MGAM2: variants seen among roughly 807,000 people sequenced by gnomAD.
The protein encoded by MGAM2 is maltase-glucoamylase 2 (putative).
MGAM2 carries 98 observed loss-of-function variants against 96.1 expected under a neutral mutation model. That is an observed-to-expected ratio of 1.02 (90% CI 0.87 to 1.21). The LOEUF (loss-of-function observed/expected upper bound fraction) is 1.21. Among genes scored for constraint, MGAM2 ranks in the 50% most tolerant of loss-of-function variants. The pLI, the probability that MGAM2 is intolerant of heterozygous loss-of-function variation, is 0.00. For missense variants in MGAM2, 2,055 were observed against 1,182.4 expected (o/e 1.74, Z -10.82); for synonymous variants, 749 against 414.8 (o/e 1.81, Z -9.79).
intron 24 of MGAM2, 73 bp from the exon 25 acceptor site, chr7:142,166,025 A>T: frequency 1.7e-6 from 1 of 594,366 alleles, no homozygotes; most frequent in Non-Finnish European, 3.0e-6. Flanking sequence ...TGACTTCCAG[A>T]CTTCCAGCCA....
intron 12 of MGAM2, among the ~76,000 whole-genome samples, chr7:142,142,739 G>A (rs769407680): frequency 5.9e-5 from 9 of 151,880 alleles, no homozygotes; most frequent in Non-Finnish European, 1.3e-4. Context: ...TAGTAGAGAC[G>A]GAATTTCACT....
At chr7:142,188,312 C>T (rs944198479) in intron 36 of MGAM2, among the ~76,000 whole-genome samples, 11 of 152,156 alleles carry the variant, frequency 7.2e-5, no homozygotes, top group African/African-American at 2.2e-4. Context: ...TGAATCTTCT[C>T]GTGTTGCAGA....
intron 7 of MGAM2, among the ~76,000 whole-genome samples, chr7:142,136,061 T>C (rs1477102801): frequency 6.6e-6 from 1 of 152,194 alleles, no homozygotes; most frequent in African/African-American, 2.4e-5. Context: ...GCACATATAC[T>C]GAGTTAGACA....
At chr7:142,180,592 A>T (rs55930545) in intron 32 of MGAM2, among the ~76,000 whole-genome samples, 28,726 of 152,106 alleles carry the variant, frequency 0.19, 2,995 homozygotes, top group East Asian at 0.34. Context: ...TCTAGCAAGA[A>T]TGGGGAAATT....
At chr7:142,169,019 T>C (rs1796112845) in intron 26 of MGAM2, among the ~76,000 whole-genome samples, 1 of 152,052 alleles carries the variant, frequency 6.6e-6, no homozygotes, top group Non-Finnish European at 1.5e-5. Flanking sequence ...CTTGTGAAAA[T>C]ATAAGTTCTA....
intron 15 of MGAM2, among the ~76,000 whole-genome samples, chr7:142,150,361 G>T (rs1795537245): frequency 6.6e-6 from 1 of 152,112 alleles, no homozygotes; most frequent in African/African-American, 2.4e-5. Flanking sequence ...ATCAGTCCTT[G>T]ATCCTTTTGA....
rs142503405 is a variant in MGAM2 at position 142,145,080 on chromosome 7, C to T, written c.1516+135C>T. ...CTAAACATCCTGAGCACTCCTCTGC[C>T]GAAGTCTCTGCAGCAGTGTTGGGTC... On this transcript the variant is annotated intron_variant, in intron 14 of 47. Transcript: ENST00000477922. 1.1e-3 allele frequency: 645 copies of T among 590,312 alleles called. 9 individuals carry two copies. Among genetic ancestry groups the T allele is most frequent in the African/African-American group, 9.1e-3 (482 of 53,068 alleles). 36.6% of individuals were successfully genotyped at this position (590,312 alleles called of 1,614,324 possible). A position where few individuals can be genotyped will look rare whatever the true frequency, so the allele number is the denominator to read the frequency against.
intron 32 of MGAM2, among the ~76,000 whole-genome samples, chr7:142,181,172 C>T (rs1425936696): frequency 6.6e-6 from 1 of 152,086 alleles, no homozygotes; most frequent in Non-Finnish European, 1.5e-5. Context: ...GGCAGATGTT[C>T]CTTTATCTTT....
In MGAM2 at chr7:142,204,963, T is replaced by C. The variant is rs74525387; in HGVS notation, c.5138-3610T>C. 4.7e-3 allele frequency among the ~76,000 whole-genome samples: 722 copies of C among 152,274 alleles called. 18 individuals carry two copies. The highest frequency in any genetic ancestry group is 0.032 in the Admixed American group (491 of 15,306). Reference sequence around the variant, plus strand: ...TTTTTAAATTTAAGAACTGTATTTATTAAATGCATTTTAATATTCCTGTCT... The same window carrying C: ...TTTTTAAATTTAAGAACTGTATTTACTAAATGCATTTTAATATTCCTGTCT... On this transcript the variant is annotated intron_variant, in intron 45 of 47. Coordinates refer to ENST00000477922, the MANE Select transcript of MGAM2 (RefSeq NM_001293626.2).
At position 142,130,948 on chromosome 7, in the gene MGAM2, G is replaced by A. The variant is rs1487463015; in HGVS notation, c.187G>A (p.Asp63Asn). The change falls in exon 4 of 48, where the codon GAT (aspartate) becomes AAT (asparagine). Residue 63 changes from aspartate (D) to asparagine (N), a missense_variant and splice_region_variant. By Grantham distance (23) the Asp-to-Asn change is conservative. Coordinates refer to ENST00000477922, the MANE Select transcript of MGAM2 (RefSeq NM_001293626.2). ...TGCTAACTCTGTGTCATTGTTACAG[G>A]ATATCTGCAGATGGCAATATAAGTG... is the stretch of plus-strand genomic sequence containing the variant. ...DCTPDQEVTE[D>N]ICRWQYKCCW... The A allele has an allele frequency of 7.1e-6, 5 of 702,472 alleles. No individual in the cohort carries two copies. Among genetic ancestry groups the A allele is most frequent in the Non-Finnish European group, 5.2e-6 (2 of 384,960 alleles). The allele number at this position is 702,472 out of a possible 1,614,324, so 43.5% of individuals were successfully genotyped here.
chr7:142,138,661 A>G lies in MGAM2; in HGVS notation c.1080A>G (p.Ile360Met). 4 of 701,542 alleles carry G rather than the reference A, an allele frequency of 5.7e-6. No homozygotes were observed. In the South Asian group the frequency reaches 6.0e-5, roughly 10 times the overall value. The allele number at this position is 701,542 out of a possible 1,614,324, so 43.5% of individuals were successfully genotyped here. A position where few individuals can be genotyped will look rare whatever the true frequency, so the allele number is the denominator to read the frequency against. The stretch of plus-strand genomic sequence containing the variant: ...TAAGCCGAAATCGTTTAGCTGAGAT[A>G]CCATATGTAAGTCGAAACTTCTTTT... ...EVVSRNRLAE[I>M]PYDVQYSDID... The change falls in exon 10 of 48, where the codon ATA (isoleucine) becomes ATG (methionine). Residue 360 changes from isoleucine to methionine, a missense_variant. Transcript: ENST00000477922.
At position 142,220,274 on chromosome 7, in the gene MGAM2, T is replaced by G. The variant is rs1797882016; in HGVS notation, c.5763T>G (p.Thr1921=). The change falls in exon 48 of 48, where the codon ACT becomes ACG. Residue 1921 remains threonine, a synonymous_variant. Transcript: ENST00000477922. The part of the protein sequence containing the change: ...VTTNATVPNT[T]APFPTNASTA... ...CTAATGCTACTGTTCCCAATACAAC[T>G]GCCCCTTTCCCAACAAATGCTAGTA... 1.4e-6 allele frequency: 1 copy of G among 702,528 alleles called. No homozygotes were observed. 43.5% of individuals were successfully genotyped at this position (702,528 alleles called of 1,614,324 possible). A position where few individuals can be genotyped will look rare whatever the true frequency, so the allele number is the denominator to read the frequency against.
At position 142,221,404 on chromosome 7, in the gene MGAM2, C is replaced by T. The variant is rs917326746; in HGVS notation, c.6893C>T (p.Thr2298Ile). Reference sequence around the variant, plus strand: ...ACTACTTATTACCAGACTTCTCCTACCATTCCTACCCATACTCTTACTTCT... The same window carrying T: ...ACTACTTATTACCAGACTTCTCCTATCATTCCTACCCATACTCTTACTTCT... ...GMTTYYQTSPTIPTHTLTSIP... is the reference protein window; with the variant it reads ...GMTTYYQTSPIIPTHTLTSIP... Residue 2298 changes from threonine to isoleucine, a missense_variant, in exon 48 of 48, where the codon ACC becomes ATC. Thr to Ile is a moderately conservative substitution (Grantham distance 89). Transcript: ENST00000477922. 1.7e-6 allele frequency: 1 copy of T among 602,456 alleles called. No homozygotes were observed. Among genetic ancestry groups the T allele is most frequent in the African/African-American group, 1.9e-5 (1 of 54,006 alleles). The allele number at this position is 602,456 out of a possible 1,614,324, so 37.3% of individuals were successfully genotyped here.
Position 142,161,149 on chromosome 7 carries a change from C to A in MGAM2, c.2370C>A (p.Ile790=), listed in dbSNP as rs1795876787. 1 of 702,718 alleles carries A rather than the reference C, an allele frequency of 1.4e-6. No homozygotes were observed. The highest frequency in any genetic ancestry group is 2.6e-6 in the Non-Finnish European group (1 of 384,798). 43.5% of individuals were successfully genotyped at this position (702,718 alleles called of 1,614,324 possible). Residue 790 remains isoleucine, a synonymous_variant, in exon 22 of 48, where the codon ATC becomes ATA. Coordinates refer to ENST00000477922, the MANE Select transcript of MGAM2 (RefSeq NM_001293626.2). ...GCCGGAGGAATTCCCTGGGACTCAT[C>A]ATCGCCTTGGACTATAAGAGAGAAG... ...EASRRNSLGL[I]IALDYKREAK...
chr7:142,143,157 A>T (rs1014329694), intron 12 of MGAM2, among the ~76,000 whole-genome samples: 1 of 152,188 alleles, frequency 6.6e-6, no homozygotes. Flanking sequence ...ATGAGCAAAA[A>T]TTTTTTACAA....
At chr7:142,212,777 A>T (rs1405448906) in intron 46 of MGAM2, among the ~76,000 whole-genome samples, 1 of 152,104 alleles carries the variant, frequency 6.6e-6, no homozygotes, top group Non-Finnish European at 1.5e-5. Flanking sequence ...ACAGATCAAC[A>T]AGACAGAAAA....
chr7:142,122,531 G>A (rs1253690348), intron 3 of MGAM2, among the ~76,000 whole-genome samples: 1 of 152,142 alleles, frequency 6.6e-6, no homozygotes, highest in Non-Finnish European at 1.5e-5. Context: ...ATTCCGACTT[G>A]TACCCCTTAA....
chr7:142,166,939 A>C (rs1796044480), intron 25 of MGAM2, among the ~76,000 whole-genome samples: 1 of 152,142 alleles, frequency 6.6e-6, no homozygotes, highest in Non-Finnish European at 1.5e-5. Context: ...TTGTAGATGC[A>C]TCATCCCACT....
At chr7:142,144,095 G>T in intron 13 of MGAM2, 1 of 341,452 alleles carries the variant, frequency 2.9e-6, no homozygotes, top group Non-Finnish European at 5.3e-6. Flanking sequence ...TCATCAACTG[G>T]TTATTTCATT....
Sources: gnomAD v4.1 joint callset for allele counts (sites outside exome capture counted in the v4.1 genomes callset) on GRCh38, gnomAD v4.1.1 for gene constraint, MANE v1.5 for transcripts, NCBI Gene and HGNC (gene_info 2026-07-23, HGNC 2026-07-21) for gene names.